The following EFCAB8 variants were observed in gnomAD, a reference collection of about 807,000 sequenced individuals.
EFCAB8 encodes EF-hand calcium-binding domain-containing protein 8.
EFCAB8 carries 100 observed loss-of-function variants against 116.3 expected under a neutral mutation model. The ratio of observed to expected loss-of-function variants is 0.86; its 90% confidence interval spans 0.73 to 1.02. EFCAB8 has a LOEUF of 1.02. Ranked by LOEUF, EFCAB8 falls within the 50% of genes least tolerant of loss-of-function variation. The probability of loss-of-function intolerance (pLI) is 0.00; values close to 1 mark genes in which losing one functional copy is unlikely to be tolerated. For synonymous variants in EFCAB8, 558 were observed against 567.9 expected, an observed-to-expected ratio of 0.98 and a Z score of 0.25; for missense variants, 1,320 against 1,416.9, an observed-to-expected ratio of 0.93 and a Z score of 1.10.
rs757461144 is a variant in EFCAB8 at position 32,940,023 on chromosome 20, CCCTTCCTTCCTTCCTT to C, written c.2791-3568_2791-3553del. Among the ~76,000 whole-genome samples the C allele has an allele frequency of 2.6e-3, 147 of 56,122 alleles. 14 individuals carry two copies. The highest frequency in any genetic ancestry group is 3.4e-3 in the Non-Finnish European group (99 of 29,306). The allele number at this position is 56,122 out of a possible 152,430, so 36.8% of individuals were successfully genotyped here. A position where few individuals can be genotyped will look rare whatever the true frequency, so the allele number is the denominator to read the frequency against. ...TGCCTGCCTCCCTCCCTCCCTCCCTCCCTTCCTTCCTTCCTTCCTTCCTTCCTTCCTTCCTTCCTTC... is the reference window on the plus strand; with the variant it reads ...TGCCTGCCTCCCTCCCTCCCTCCCTCCCTTCCTTCCTTCCTTCCTTCCTTC... On this transcript the variant is annotated intron_variant, in intron 22 of 26. Transcript: ENST00000400522.
chr20:32,886,818 A>G (rs1378356277), intron 6 of EFCAB8, among the ~76,000 whole-genome samples: 6 of 152,204 alleles, frequency 3.9e-5, no homozygotes, highest in East Asian at 3.9e-4. Context: ...TGGCAGGAGT[A>G]GGCCTCCCAG....
chr20:32,901,876 C>T (rs907167899), intron 11 of EFCAB8, among the ~76,000 whole-genome samples: 8 of 152,122 alleles, frequency 5.3e-5, no homozygotes, highest in Non-Finnish European at 1.2e-4. Context: ...TTAGTAGAGA[C>T]GGGGTTTCAC....
chr20:32,943,836 A>C (rs909019092), intron 23 of EFCAB8, 32 bp downstream of exon 23: 15 of 416,610 alleles, frequency 3.6e-5, no homozygotes, highest in African/African-American at 3.1e-4. Flanking sequence ...AGCCATGCCC[A>C]TGGCCCTTCT....
At chr20:32,878,478 G>T (rs1482475009) in intron 4 of EFCAB8, among the ~76,000 whole-genome samples, 2 of 151,736 alleles carry the variant, frequency 1.3e-5, no homozygotes, top group African/African-American at 4.8e-5. Context: ...ATGGGGTGGT[G>T]AGGGGGACCC....
chr20:32,910,480 C>A (rs946676943), intron 15 of EFCAB8, among the ~76,000 whole-genome samples: 1 of 152,074 alleles, frequency 6.6e-6, no homozygotes, highest in African/African-American at 2.4e-5. Context: ...TCTGCTCACT[C>A]CCACCCACTG....
chr20:32,873,029 G>T (rs371262047), intron 3 of EFCAB8, among the ~76,000 whole-genome samples: 1 of 151,954 alleles, frequency 6.6e-6, no homozygotes, highest in Non-Finnish European at 1.5e-5. Flanking sequence ...GGATGCGGAG[G>T]TTGCAGTGAG....
intron 7 of EFCAB8, among the ~76,000 whole-genome samples, chr20:32,890,105 C>T (rs953671860): frequency 6.6e-6 from 1 of 152,262 alleles, no homozygotes; most frequent in Non-Finnish European, 1.5e-5. Flanking sequence ...TTCACCCTAC[C>T]CCAGTGTTCT....
intron 22 of EFCAB8, among the ~76,000 whole-genome samples, chr20:32,939,112 T>C (rs1230373641): frequency 7.3e-6 from 1 of 137,554 alleles, no homozygotes; most frequent in African/African-American, 2.8e-5. Context: ...TTCCTTTCTT[T>C]CTCTCTTTCT....
Position 32,909,903 on chromosome 20 carries a change from C to A in EFCAB8, c.1529C>A (p.Ala510Asp), listed in dbSNP as rs375203905. Reference protein sequence around the residue: ...KRTTHCSPLCAVLYSKIFKQV... With the variant: ...KRTTHCSPLCDVLYSKIFKQV... ...ACCACTCATTGCTCACCCCTGTGTG[C>A]TGTCCTCTACAGCAAGATCTTTAAG... Residue 510 changes from alanine (A) to aspartate (D), a missense_variant, in exon 15 of 27, where the codon GCT becomes GAT. Transcript: ENST00000400522. 1.6e-6 allele frequency: 2 copies of A among 1,249,758 alleles called. No homozygotes were observed. The highest frequency in any genetic ancestry group is 2.0e-6 in the Non-Finnish European group (2 of 988,274). The allele number at this position is 1,249,758 out of a possible 1,614,324, so 77.4% of individuals were successfully genotyped here.
intron 22 of EFCAB8, among the ~76,000 whole-genome samples, chr20:32,941,151 C>T (rs1475471394): frequency 6.7e-6 from 1 of 149,142 alleles, no homozygotes; most frequent in African/African-American, 2.5e-5. Flanking sequence ...ACTCGGGAGG[C>T]TGAGGCAGGA....
chr20:32,872,411 A>T (rs1984726058), intron 3 of EFCAB8, among the ~76,000 whole-genome samples: 1 of 152,184 alleles, frequency 6.6e-6, no homozygotes, highest in South Asian at 2.1e-4. Context: ...TGTTGAAGCC[A>T]GGACCCAGCC....
intron 2 of EFCAB8, among the ~76,000 whole-genome samples, chr20:32,866,667 T>C (rs1337468725): frequency 6.6e-6 from 1 of 152,072 alleles, no homozygotes; most frequent in Non-Finnish European, 1.5e-5. Context: ...ATGGGACATC[T>C]GGGCTGGTCA....
intron 7 of EFCAB8, 141 bp downstream of exon 7, chr20:32,889,547 G>A: frequency 1.2e-6 from 1 of 805,750 alleles, no homozygotes; most frequent in African/African-American, 1.7e-5. Context: ...AGGCCTTAGT[G>A]CCAAGTAGGC....
At chr20:32,901,019 C>T (rs1482790465) in intron 11 of EFCAB8, among the ~76,000 whole-genome samples, 1 of 152,226 alleles carries the variant, frequency 6.6e-6, no homozygotes, top group Non-Finnish European at 1.5e-5. Flanking sequence ...GCCTTTTTAA[C>T]CAAACAGTGC....
chr20:32,928,118 T>C (rs536711290), intron 20 of EFCAB8, among the ~76,000 whole-genome samples: 8 of 152,246 alleles, frequency 5.3e-5, no homozygotes, highest in Non-Finnish European at 1.2e-4. Context: ...TAGCATAATG[T>C]CCTCTTTGAT....
chr20:32,960,361 G>A (rs1989110054), intron 26 of EFCAB8, among the ~76,000 whole-genome samples, 200 bp downstream of exon 26: 1 of 152,224 alleles, frequency 6.6e-6, no homozygotes, highest in South Asian at 2.1e-4. Flanking sequence ...CCCTGGCTGA[G>A]GTCAGTGGTG....
At chr20:32,902,268 C>CATTGCAATAGTTGAGGCT (rs1986463306) in intron 11 of EFCAB8, among the ~76,000 whole-genome samples, 1 of 152,018 alleles carries the variant, frequency 6.6e-6, no homozygotes, top group Admixed American at 6.6e-5. Flanking sequence ...GTGAGGAGGC[C>CATTGCAATAGTTGAGGCT]ATTGCAATAG....
At position 32,893,283 on chromosome 20, in the gene EFCAB8, A is replaced by G. The variant is rs763080849; in HGVS notation, c.868A>G (p.Arg290Gly). 1.3e-4 allele frequency: 203 copies of G among 1,551,618 alleles called. No individual in the cohort carries two copies. Among genetic ancestry groups the G allele is most frequent in the Non-Finnish European group, 1.7e-4 (196 of 1,146,992 alleles). ...GCTGTTCAACCCCCGTATCCTCCCC[A>G]GGGCCTCCAAGTGGGGTAGCTAAGA... is the stretch of plus-strand genomic sequence containing the variant. The part of the protein sequence containing the change: ...SGLFNPRILP[R>G]ASKWDHWIKV... The change falls in exon 9 of 27, where the codon AGG becomes GGG. Residue 290 changes from arginine (R) to glycine (G), a missense_variant. Physicochemically the swap from Arg to Gly is moderately radical, Grantham distance 125 (BLOSUM62 -2). Coordinates refer to ENST00000400522, the MANE Select transcript of EFCAB8 (RefSeq NM_001143967.2).
intron 4 of EFCAB8, among the ~76,000 whole-genome samples, chr20:32,876,835 G>A (rs1474327289): frequency 1.3e-5 from 2 of 152,118 alleles, no homozygotes; most frequent in Non-Finnish European, 2.9e-5. Flanking sequence ...GGGTGTGGTG[G>A]TGCACGCCTA....
Sources: allele counts gnomAD v4.1 joint callset (sites outside exome capture counted in the v4.1 genomes callset), GRCh38; gene constraint gnomAD v4.1.1; transcripts MANE v1.5; gene names NCBI Gene and HGNC (gene_info 2026-07-23, HGNC 2026-07-21).